The following DTD1 variants were observed in gnomAD, a reference collection of about 807,000 sequenced individuals.
DTD1 encodes the protein D-tyrosyl-tRNA deacylase 1 homolog.
Under a neutral mutation model 25.6 loss-of-function variants are expected in DTD1, and 13 were observed. The ratio of observed to expected loss-of-function variants is 0.51; its 90% CI spans 0.33 to 0.81. The LOEUF (loss-of-function observed/expected upper bound fraction) is 0.81, where lower values mean the gene tolerates loss of function less well. Among genes scored for constraint, DTD1 ranks in the 30% least tolerant of loss-of-function variants. The pLI is 0.02. For missense variants in DTD1, 193 were observed against 266.4 expected (o/e 0.72, Z 1.92); for synonymous variants, 110 against 103.6 (o/e 1.06, Z -0.37).
chr20:18,714,262 A>C (rs1290199435), intron 4 of DTD1, among the ~76,000 whole-genome samples: 1 of 152,122 alleles, frequency 6.6e-6, no homozygotes, highest in African/African-American at 2.4e-5. Context: ...GGACCAAATA[A>C]CCTTTTTTGT....
At chr20:18,710,572 A>T (rs1236028574) in intron 4 of DTD1, among the ~76,000 whole-genome samples, 2 of 152,264 alleles carry the variant, frequency 1.3e-5, no homozygotes, top group African/African-American at 4.8e-5. Flanking sequence ...ATGGTGTTTA[A>T]TAAGATAATA....
At chr20:18,664,630 T>C (rs1169571120) in intron 4 of DTD1, among the ~76,000 whole-genome samples, 2 of 152,218 alleles carry the variant, frequency 1.3e-5, no homozygotes, top group Non-Finnish European at 2.9e-5. Context: ...AGGAACTCAG[T>C]TGAAGCTGTG....
At chr20:18,672,584 TAACTC>T (rs1284543299) in intron 4 of DTD1, among the ~76,000 whole-genome samples, 1 of 152,240 alleles carries the variant, frequency 6.6e-6, no homozygotes, top group Non-Finnish European at 1.5e-5. Context: ...AATGATATCC[TAACTC>T]AGTATTTTGA....
intron 4 of DTD1, among the ~76,000 whole-genome samples, chr20:18,661,615 C>G (rs2060911543): frequency 6.6e-6 from 1 of 152,154 alleles, no homozygotes; most frequent in Non-Finnish European, 1.5e-5. Flanking sequence ...TCGTGATCTG[C>G]CCGCCTTGGC....
Position 18,677,248 on chromosome 20 carries a change from G to A in DTD1, c.477+49015G>A, listed in dbSNP as rs1214945842. On this transcript the variant is annotated intron_variant, in intron 4 of 5. Transcript: ENST00000377452. ...ACAGACCGAAAGAAAACATGCACAA[G>A]TTTTTCCATTGAGTAGATAACATGT... Among the ~76,000 whole-genome samples the A allele has an allele frequency of 3.3e-5, 5 of 151,676 alleles. No individual in the cohort carries two copies. In the South Asian group the frequency reaches 8.3e-4, roughly 25 times the overall value.
chr20:18,646,043 G>A (rs1223900977), intron 4 of DTD1, among the ~76,000 whole-genome samples: 2 of 152,178 alleles, frequency 1.3e-5, no homozygotes, highest in Non-Finnish European at 2.9e-5. Flanking sequence ...ACAGATAGTG[G>A]AGGCCTGTTG....
chr20:18,628,412 G>A (rs2060768643), intron 4 of DTD1, among the ~76,000 whole-genome samples, 179 bp downstream of exon 4: 1 of 152,218 alleles, frequency 6.6e-6, no homozygotes, highest in South Asian at 2.1e-4. Flanking sequence ...TGGCCGGTGG[G>A]TACAGCACTT....
At chr20:18,595,886 A>G in intron 2 of DTD1, 120 bp from the exon 3 acceptor site, 1 of 805,294 alleles carries the variant, frequency 1.2e-6, no homozygotes, top group Non-Finnish European at 2.1e-6. Flanking sequence ...GCCTCCTGTC[A>G]GGGATGGAGT....
chr20:18,732,158 A>G (rs1568684213), intron 4 of DTD1, among the ~76,000 whole-genome samples: 1 of 152,246 alleles, frequency 6.6e-6, no homozygotes, highest in South Asian at 2.1e-4. Context: ...TATACAAGGT[A>G]TAGACCAAGT....
At chr20:18,663,816 C>T (rs186045056) in intron 4 of DTD1, among the ~76,000 whole-genome samples, 4 of 152,242 alleles carry the variant, frequency 2.6e-5, no homozygotes, top group Non-Finnish European at 4.4e-5. Context: ...TGAGTGCCAG[C>T]GGGGGAACTG....
At chr20:18,653,889 C>T (rs2060882648) in intron 4 of DTD1, among the ~76,000 whole-genome samples, 1 of 152,228 alleles carries the variant, frequency 6.6e-6, no homozygotes, top group Admixed American at 6.5e-5. Context: ...ATGACCCTCA[C>T]AGCCATCATG....
chr20:18,754,804 G>A (rs762475254), intron 5 of DTD1, among the ~76,000 whole-genome samples: 66 of 152,318 alleles, frequency 4.3e-4, no homozygotes, highest in Admixed American at 2.8e-3. Flanking sequence ...AGAGAGCAAC[G>A]TCTATTGACC....
intron 4 of DTD1, among the ~76,000 whole-genome samples, chr20:18,633,004 A>G (rs908176554): frequency 3.9e-5 from 6 of 152,198 alleles, no homozygotes; most frequent in African/African-American, 1.4e-4. Context: ...AGCCGGGGAT[A>G]GATTTTGGGC....
intron 2 of DTD1, among the ~76,000 whole-genome samples, chr20:18,594,407 C>T (rs1231660677): frequency 6.6e-6 from 1 of 152,128 alleles, no homozygotes; most frequent in Non-Finnish European, 1.5e-5. Context: ...GCAAACTCGA[C>T]TATAGAAAGG....
intron 4 of DTD1, among the ~76,000 whole-genome samples, chr20:18,738,035 C>T (rs1244035104): frequency 1.3e-5 from 2 of 152,188 alleles, no homozygotes; most frequent in Non-Finnish European, 2.9e-5. Flanking sequence ...GGCCTGGCTT[C>T]GTGTGAGTGG....
chr20:18,672,409 A>G (rs2060954153), intron 4 of DTD1, among the ~76,000 whole-genome samples: 2 of 152,168 alleles, frequency 1.3e-5, no homozygotes, highest in South Asian at 4.1e-4. Flanking sequence ...CACATGCCAT[A>G]GCTAAATAAA....
chr20:18,623,779 C>A (rs1365008617), intron 3 of DTD1, among the ~76,000 whole-genome samples: 6 of 152,080 alleles, frequency 3.9e-5, no homozygotes, highest in Admixed American at 3.9e-4. Flanking sequence ...CCACTTCCCC[C>A]ATGTGTTCTA....
At chr20:18,740,315 T>TG (rs978263013) in intron 4 of DTD1, among the ~76,000 whole-genome samples, 3 of 152,228 alleles carry the variant, frequency 2.0e-5, no homozygotes, top group East Asian at 1.9e-4. Context: ...TTTTGTTTTT[T>TG]TTTTGTTTTG....
chr20:18,758,278 C>G (rs2061347483), intron 5 of DTD1, among the ~76,000 whole-genome samples: 3 of 152,038 alleles, frequency 2.0e-5, no homozygotes, highest in South Asian at 4.2e-4. Context: ...TCCTTCAGTT[C>G]TGCTCTGATC....
Sources: allele counts gnomAD v4.1 joint callset (sites outside exome capture counted in the v4.1 genomes callset), GRCh38; gene constraint gnomAD v4.1.1; transcripts MANE v1.5; gene names NCBI Gene and HGNC (gene_info 2026-07-23, HGNC 2026-07-21).